IMMP2L: variants seen among roughly 807,000 people sequenced by gnomAD.
The protein encoded by IMMP2L is mitochondrial inner membrane protease subunit 2.
Under a neutral mutation model 19.3 loss-of-function variants are expected in IMMP2L, and 18 were observed. The observed-to-expected ratio is 0.93, with a 90% confidence interval of 0.64 to 1.38. The LOEUF (loss-of-function observed/expected upper bound fraction) is 1.38. Among genes scored for constraint, IMMP2L ranks in the 40% most tolerant of loss-of-function variants. IMMP2L has a pLI of 0.00. For missense variants in IMMP2L, 233 were observed against 218.2 expected (o/e 1.07, Z -0.43); for synonymous variants, 76 against 73.0 (o/e 1.04, Z -0.21).
At chr7:111,375,114 A>T (rs1830569494) in intron 3 of IMMP2L, among the ~76,000 whole-genome samples, 1 of 152,058 alleles carries the variant, frequency 6.6e-6, no homozygotes, top group South Asian at 2.1e-4. Flanking sequence ...AACTCAGCAG[A>T]ACTCTCAGGA....
intron 5 of IMMP2L, among the ~76,000 whole-genome samples, chr7:110,847,294 G>GA (rs1178790495): frequency 6.6e-6 from 1 of 152,034 alleles, no homozygotes; most frequent in Non-Finnish European, 1.5e-5. Flanking sequence ...CATGGATAAG[G>GA]AAAAAAAGTA....
intron 3 of IMMP2L, among the ~76,000 whole-genome samples, chr7:111,210,381 C>G (rs912024803): frequency 6.6e-6 from 1 of 152,104 alleles, no homozygotes; most frequent in African/African-American, 2.4e-5. Context: ...TGTAAACTTA[C>G]AATTGCAAAA....
At chr7:110,729,104 C>T (rs1241310334) in intron 5 of IMMP2L, among the ~76,000 whole-genome samples, 3 of 152,154 alleles carry the variant, frequency 2.0e-5, no homozygotes, top group African/African-American at 4.8e-5. Flanking sequence ...AGGCTTGTCT[C>T]GAACTCCTGA....
intron 3 of IMMP2L, among the ~76,000 whole-genome samples, chr7:110,994,500 AAAG>A (rs1430570095): frequency 6.6e-6 from 1 of 152,142 alleles, no homozygotes; most frequent in Non-Finnish European, 1.5e-5. Flanking sequence ...CATGCCTTTA[AAAG>A]AAGTATGCCC....
intron 3 of IMMP2L, among the ~76,000 whole-genome samples, chr7:111,108,413 A>T (rs985655883): frequency 6.6e-6 from 1 of 152,166 alleles, no homozygotes; most frequent in African/African-American, 2.4e-5. Flanking sequence ...AATGTCACAA[A>T]TTTTAAGAAA....
intron 2 of IMMP2L, among the ~76,000 whole-genome samples, chr7:111,518,301 T>A (rs1166279825): frequency 6.6e-6 from 1 of 152,080 alleles, no homozygotes; most frequent in Non-Finnish European, 1.5e-5. Context: ...TTACTCAAAG[T>A]GAATTTCCAG....
At chr7:110,730,344 C>G (rs1234485635) in intron 5 of IMMP2L, among the ~76,000 whole-genome samples, 2 of 152,094 alleles carry the variant, frequency 1.3e-5, no homozygotes, top group African/African-American at 4.8e-5. Flanking sequence ...CTTCATCTTC[C>G]TCCCGTGGTG....
At chr7:110,822,440 A>G (rs193243976) in intron 5 of IMMP2L, among the ~76,000 whole-genome samples, 1 of 152,174 alleles carries the variant, frequency 6.6e-6, no homozygotes, top group East Asian at 1.9e-4. Context: ...AGTTCCATTC[A>G]TGCCTCTGTG....
At chr7:111,443,352 C>T (rs1364658086) in intron 3 of IMMP2L, among the ~76,000 whole-genome samples, 2 of 149,532 alleles carry the variant, frequency 1.3e-5, no homozygotes, top group African/African-American at 5.1e-5. Flanking sequence ...TTAAAGACAA[C>T]TGGAGTACTA....
chr7:111,148,473 T>C (rs1803720834), intron 3 of IMMP2L, among the ~76,000 whole-genome samples: 1 of 152,010 alleles, frequency 6.6e-6, no homozygotes, highest in Non-Finnish European at 1.5e-5. Context: ...TATATTAACA[T>C]TCATGGAATT....
At chr7:111,155,762 C>A (rs1322392516) in intron 3 of IMMP2L, among the ~76,000 whole-genome samples, 1 of 151,808 alleles carries the variant, frequency 6.6e-6, no homozygotes, top group Non-Finnish European at 1.5e-5. Context: ...TGTTGCATAA[C>A]ATAGATATTG....
intron 5 of IMMP2L, among the ~76,000 whole-genome samples, chr7:110,823,025 G>C (rs924033838): frequency 2.6e-5 from 4 of 152,004 alleles, no homozygotes; most frequent in Non-Finnish European, 4.4e-5. Flanking sequence ...AAATCCTATT[G>C]TTATTAACTG....
At chr7:111,266,544 C>CAAA (rs530670317) in intron 3 of IMMP2L, among the ~76,000 whole-genome samples, 2 of 88,774 alleles carry the variant, frequency 2.3e-5, no homozygotes, top group Non-Finnish European at 2.4e-5. Context: ...CTATGTCTCC[C>CAAA]AAAAAAAAAA....
chr7:111,075,497 T>C (rs944796645), intron 3 of IMMP2L, among the ~76,000 whole-genome samples: 4 of 152,196 alleles, frequency 2.6e-5, no homozygotes, highest in African/African-American at 7.2e-5. Flanking sequence ...CCTAATCTGA[T>C]AGTGAATATT....
rs921266434 is a variant in IMMP2L at position 111,319,331 on chromosome 7, T to C, written c.239+167907A>G. 5.3e-5 allele frequency among the ~76,000 whole-genome samples: 8 copies of C among 152,228 alleles called. No homozygotes were observed. The South Asian group carries it at 1.7e-3, about 32-fold the overall frequency. On this transcript the variant is annotated intron_variant, in intron 3 of 5. Coordinates refer to ENST00000405709, the MANE Select transcript of IMMP2L (RefSeq NM_032549.4). The stretch of plus-strand genomic sequence containing the variant: ...CTAAAAGTCATCTCTGCACAGGAAG[T>C]AGAATATCCTTCTACACTAATGTGC...
chr7:110,689,514 T>C (rs908750015), intron 5 of IMMP2L, among the ~76,000 whole-genome samples: 9 of 152,320 alleles, frequency 5.9e-5, no homozygotes, highest in South Asian at 2.1e-4. Context: ...CAAACTGCTA[T>C]ATTTTTCATT....
At chr7:111,505,490 T>C (rs894926048) in intron 2 of IMMP2L, among the ~76,000 whole-genome samples, 6 of 152,016 alleles carry the variant, frequency 3.9e-5, no homozygotes, top group African/African-American at 1.4e-4. Context: ...ACCCAAAGGA[T>C]TGTAAATCAT....
intron 5 of IMMP2L, among the ~76,000 whole-genome samples, chr7:110,678,471 G>T (rs989203289): frequency 6.6e-6 from 1 of 152,002 alleles, no homozygotes; most frequent in African/African-American, 2.4e-5. Flanking sequence ...TTACCAAAGA[G>T]AATAAATGTA....
rs893339184 is a variant in IMMP2L, at chr7:111,322,735, A to T, written c.239+164503T>A. Among the ~76,000 whole-genome samples, 27 of 151,980 alleles carry T rather than the reference A, an allele frequency of 1.8e-4. No homozygotes were observed. The East Asian group carries it at 5.0e-3, about 28-fold the overall frequency. ...AATAATGAATAATAATTTACATGAG[A>T]AAAAGACCTTTTCACCTGCAAATTA... On this transcript the variant is annotated intron_variant, in intron 3 of 5. Coordinates refer to ENST00000405709, the MANE Select transcript of IMMP2L (RefSeq NM_032549.4).
Sources: gnomAD v4.1 joint callset for allele counts (sites outside exome capture counted in the v4.1 genomes callset) on GRCh38, gnomAD v4.1.1 for gene constraint, MANE v1.5 for transcripts, NCBI Gene and HGNC (gene_info 2026-07-23, HGNC 2026-07-21) for gene names.